The following RASSF5 variants were observed in gnomAD, a reference collection of about 807,000 sequenced individuals.
The protein encoded by RASSF5 is ras association domain-containing protein 5.
In RASSF5, 25 loss-of-function variants were observed where a neutral mutation model predicts 40.5. The observed-to-expected ratio is 0.62, with a 90% confidence interval of 0.45 to 0.86. The LOEUF (loss-of-function observed/expected upper bound fraction) is 0.86. Ranked by LOEUF, RASSF5 falls within the 40% of genes least tolerant of loss-of-function variation. The pLI is 0.00. For synonymous variants in RASSF5, 246 were observed against 252.4 expected, an observed-to-expected ratio of 0.97 and a Z score of 0.24; for missense variants, 521 against 572.8, an observed-to-expected ratio of 0.91 and a Z score of 0.92.
At chr1:206,536,595 C>A (rs1667418246) in intron 1 of RASSF5, among the ~76,000 whole-genome samples, 1 of 152,102 alleles carries the variant, frequency 6.6e-6, no homozygotes, top group South Asian at 2.1e-4. Context: ...AGAAAAGGAG[C>A]CATCACCCCT....
At position 206,588,268 on chromosome 1, in the gene RASSF5, G is replaced by A. The variant is rs1202584889; in HGVS notation, c.*1290G>A. ...GAGCCCGCGTTCAGTATGGGTTGAG[G>A]GTCACAGACCTCCCTCCCATCTGGG... On this transcript the variant is annotated 3_prime_UTR_variant, in exon 6 of 6. Transcript: ENST00000579436. The A allele has an allele frequency of 6.6e-6, 1 of 152,654 alleles. No homozygotes were observed. Among genetic ancestry groups the A allele is most frequent in the Non-Finnish European group, 1.5e-5 (1 of 68,054 alleles). The allele number at this position is 152,654 out of a possible 1,614,324, so 9.5% of individuals were successfully genotyped here.
chr1:206,559,761 C>T (rs980637892), intron 2 of RASSF5, among the ~76,000 whole-genome samples: 1 of 152,150 alleles, frequency 6.6e-6, no homozygotes, highest in Admixed American at 6.5e-5. Context: ...CTTATCCTTA[C>T]GGGAAGCATC....
intron 1 of RASSF5, among the ~76,000 whole-genome samples, chr1:206,530,799 G>A (rs930362515): frequency 6.6e-6 from 1 of 152,218 alleles, no homozygotes; most frequent in South Asian, 2.1e-4. Context: ...GAGCCCTGGG[G>A]CCTCCCTTGC....
chr1:206,512,791 C>T (rs1666651381), intron 1 of RASSF5, among the ~76,000 whole-genome samples: 2 of 152,252 alleles, frequency 1.3e-5, no homozygotes, highest in South Asian at 2.1e-4. Context: ...GAAGCTGCCG[C>T]AAGGCCGAAC....
rs1460377161 is a variant in RASSF5, at chr1:206,508,031, G to A, written c.429G>A (p.Glu143=). The A allele has an allele frequency of 2.1e-6, 3 of 1,428,910 alleles. No homozygotes were observed. The highest frequency in any genetic ancestry group is 2.7e-6 in the Non-Finnish European group (3 of 1,091,026). The allele number at this position is 1,428,910 out of a possible 1,614,324, so 88.5% of individuals were successfully genotyped here. Reference sequence around the variant, plus strand: ...GCTGGTGTGACCTGTGCGGACGAGAGGTGCTGCGGCAGGCGCTGCGCTGCA... The same window carrying A: ...GCTGGTGTGACCTGTGCGGACGAGAAGTGCTGCGGCAGGCGCTGCGCTGCA... ...GPGWCDLCGR[E]VLRQALRCTN... The change falls in exon 1 of 6, where the codon GAG becomes GAA. Residue 143 remains glutamate, a synonymous_variant. Coordinates refer to ENST00000579436, the MANE Select transcript of RASSF5 (RefSeq NM_182663.4).
chr1:206,507,755 C>A lies in RASSF5; in HGVS notation c.153C>A (p.Ser51=). The change falls in exon 1 of 6, where the codon TCC becomes TCA. Residue 51 remains serine, a synonymous_variant. Coordinates refer to ENST00000579436, the MANE Select transcript of RASSF5 (RefSeq NM_182663.4). The part of the protein sequence containing the change: ...SSRLCVPAPL[S]TAPGAREGRS... ...GCCTCTGTGTCCCGGCGCCCCTCTC[C>A]ACTGCGCCCGGGGCGCGCGAGGGGC... The A allele has an allele frequency of 1.4e-6, 2 of 1,436,310 alleles. No homozygotes were observed. The highest frequency in any genetic ancestry group is 3.1e-5 in the Admixed American group (1 of 32,574). The allele number at this position is 1,436,310 out of a possible 1,614,324, so 89.0% of individuals were successfully genotyped here.
intron 3 of RASSF5, 101 bp downstream of exon 3, chr1:206,583,480 G>C: frequency 2.5e-6 from 2 of 813,224 alleles, no homozygotes; most frequent in East Asian, 5.3e-5. Context: ...TCCCTGGCAG[G>C]TCCCCTCCCT....
chr1:206,543,242 C>T (rs1181548541), intron 2 of RASSF5: 1 of 124,680 alleles, frequency 8.0e-6, no homozygotes, highest in Non-Finnish European at 1.7e-5. Context: ...AAAAAATCCA[C>T]GCACTGTTCT....
chr1:206,586,410 G>A (rs528490579), intron 5 of RASSF5: 38 of 167,998 alleles, frequency 2.3e-4, no homozygotes, highest in South Asian at 7.4e-4. Context: ...AGCTGTGCTC[G>A]AGGTCACACT....
At chr1:206,510,914 C>T (rs1323843502) in intron 1 of RASSF5, among the ~76,000 whole-genome samples, 2 of 152,160 alleles carry the variant, frequency 1.3e-5, no homozygotes, top group Admixed American at 6.5e-5. Context: ...ATGTGAGTGA[C>T]ATCTGTCTGC....
At chr1:206,541,188 C>A (rs1026403689) in intron 2 of RASSF5, among the ~76,000 whole-genome samples, 1 of 152,220 alleles carries the variant, frequency 6.6e-6, no homozygotes. Flanking sequence ...AGCCACTGCG[C>A]CCGGCCCTCT....
intron 1 of RASSF5, among the ~76,000 whole-genome samples, chr1:206,533,657 A>C (rs1488681836): frequency 1.3e-5 from 2 of 152,018 alleles, no homozygotes; most frequent in African/African-American, 2.4e-5. Context: ...CAGGACACTG[A>C]GGTAGGATGA....
chr1:206,538,323 G>C, intron 2 of RASSF5, 30 bp downstream of exon 2: 1 of 1,610,996 alleles, frequency 6.2e-7, no homozygotes, highest in Non-Finnish European at 8.5e-7. Flanking sequence ...TACCAAGCTG[G>C]GAACAGCCTC....
rs183864750 is a variant in RASSF5, at chr1:206,579,401, C to T, written c.580-3868C>T. On this transcript the variant is annotated intron_variant, in intron 2 of 5. Transcript: ENST00000579436. This position sits in a 1 kb window ranked among gnomAD's most constrained non-coding sequence, Gnocchi z 4.2. ...TCTGCTTGGTTTCTCGCTTTGTACC[C>T]GTGGACAGATCCTTAAGAATCTGGC... Among the ~76,000 whole-genome samples, 24 of 152,304 alleles carry T rather than the reference C, an allele frequency of 1.6e-4. No individual in the cohort carries two copies. The highest frequency in any genetic ancestry group is 5.1e-4 in the African/African-American group (21 of 41,554).
At chr1:206,551,084 C>T (rs1553400977) in intron 2 of RASSF5, among the ~76,000 whole-genome samples, 2 of 152,186 alleles carry the variant, frequency 1.3e-5, no homozygotes, top group African/African-American at 4.8e-5. Context: ...GAACTCACCA[C>T]CTTTAGTTGA....
chr1:206,540,956 T>G (rs1177436480), intron 2 of RASSF5, among the ~76,000 whole-genome samples: 3 of 152,154 alleles, frequency 2.0e-5, no homozygotes, highest in African/African-American at 7.2e-5. Flanking sequence ...TGCAGTGGCA[T>G]GATCTCAGCT....
rs557059930 is a variant in RASSF5 at position 206,556,890 on chromosome 1, T to C, written c.579+18597T>C. Reference sequence around the variant, plus strand: ...GGGAGGAGGGATGGTGTTGCCCTTATAGCTAGCACCTTTTACTCCGTGGAA... The same window carrying C: ...GGGAGGAGGGATGGTGTTGCCCTTACAGCTAGCACCTTTTACTCCGTGGAA... On this transcript the variant is annotated intron_variant, in intron 2 of 5. Coordinates refer to ENST00000579436, the MANE Select transcript of RASSF5 (RefSeq NM_182663.4). 5.9e-5 allele frequency among the ~76,000 whole-genome samples: 9 copies of C among 152,166 alleles called. No individual in the cohort carries two copies. In the East Asian group the frequency reaches 1.2e-3, roughly 20 times the overall value.
intron 2 of RASSF5, among the ~76,000 whole-genome samples, chr1:206,557,960 T>C (rs1311737956): frequency 6.6e-6 from 1 of 152,220 alleles, no homozygotes; most frequent in Admixed American, 6.5e-5. Context: ...GGCTGGTAGA[T>C]TGGCTGCAGG....
intron 1 of RASSF5, among the ~76,000 whole-genome samples, chr1:206,514,459 G>T (rs935097157): frequency 3.3e-5 from 5 of 152,228 alleles, no homozygotes. Flanking sequence ...CACTGAGCAG[G>T]TGAGTGGATG....
Sources: gnomAD v4.1 joint callset for allele counts (sites outside exome capture counted in the v4.1 genomes callset) on GRCh38, gnomAD v4.1.1 for gene constraint, Gnocchi (gnomAD v3.1) non-coding constraint, MANE v1.5 for transcripts, NCBI Gene and HGNC (gene_info 2026-07-23, HGNC 2026-07-21) for gene names.